The following PKNOX2 variants were observed in gnomAD, a reference collection of about 807,000 sequenced individuals.
PKNOX2 encodes the protein PBX/knotted 1 homeobox 2, also known as homeobox protein PKNOX2.
In PKNOX2, 14 loss-of-function variants were observed where a neutral mutation model predicts 53.1. The observed-to-expected ratio is 0.26, with a 90% CI of 0.17 to 0.41. The LOEUF (loss-of-function observed/expected upper bound fraction) is 0.41, where lower values mean the gene tolerates loss of function less well. Ranked by LOEUF, PKNOX2 falls within the 10% of genes least tolerant of loss-of-function variation. The probability of loss-of-function intolerance (pLI) is 1.00; values close to 1 mark genes in which losing one functional copy is unlikely to be tolerated. For missense variants in PKNOX2, 496 were observed against 602.8 expected (o/e 0.82, Z 1.85); for synonymous variants, 257 against 242.8 (o/e 1.06, Z -0.54).
intron 1 of PKNOX2, among the ~76,000 whole-genome samples, chr11:125,184,036 T>C (rs761255034): frequency 5.3e-5 from 8 of 152,204 alleles, no homozygotes; most frequent in Non-Finnish European, 8.8e-5. Context: ...AGATAAAAGA[T>C]GACAAGATTT....
At chr11:125,233,309 G>T (rs1273768003) in intron 1 of PKNOX2, among the ~76,000 whole-genome samples, 2 of 152,220 alleles carry the variant, frequency 1.3e-5, no homozygotes, top group South Asian at 4.1e-4. Flanking sequence ...CAGGGATAGA[G>T]CATACAGCTC....
At chr11:125,172,071 C>G (rs1443684266) in intron 1 of PKNOX2, among the ~76,000 whole-genome samples, 1 of 152,140 alleles carries the variant, frequency 6.6e-6, no homozygotes, top group Non-Finnish European at 1.5e-5. Flanking sequence ...ACTGGCTGAG[C>G]GGCTGGCCAG....
intron 3 of PKNOX2, among the ~76,000 whole-genome samples, chr11:125,344,625 A>T (rs1950878376): frequency 1.3e-5 from 2 of 152,152 alleles, no homozygotes; most frequent in African/African-American, 4.8e-5. Context: ...CCACCTCCCA[A>T]GTTGGCTTCC....
chr11:125,410,013 T>G lies in PKNOX2; in HGVS notation c.589-183T>G, dbSNP rs918782510. The stretch of plus-strand genomic sequence containing the variant: ...TCTTTTTGTTTTTGTTTTTTTTAAT[T>G]GAGCCTTCTTATTCACCCTTTCTAG... On this transcript the variant is annotated intron_variant, in intron 7 of 12. Coordinates refer to ENST00000298282, the MANE Select transcript of PKNOX2 (RefSeq NM_001382323.2). The G allele has an allele frequency of 5.2e-6, 4 of 763,480 alleles. No homozygotes were observed. The African/African-American group carries it at 7.0e-5, about 13-fold the overall frequency. The allele number at this position is 763,480 out of a possible 1,614,324, so 47.3% of individuals were successfully genotyped here. A position where few individuals can be genotyped will look rare whatever the true frequency, so the allele number is the denominator to read the frequency against.
chr11:125,226,304 T>C (rs1248488687), intron 1 of PKNOX2, among the ~76,000 whole-genome samples: 1 of 152,146 alleles, frequency 6.6e-6, no homozygotes, highest in East Asian at 1.9e-4. Context: ...ATTTTTAACC[T>C]CTCAGGGGAT....
rs1044314 is a variant in PKNOX2, at chr11:125,431,909, G to T, written c.*517G>T. 52,900 of 158,768 alleles carry T rather than the reference G, an allele frequency of 0.33. 9,453 individuals are homozygous for T. The highest frequency in any genetic ancestry group is 0.48 in the South Asian group (2,556 of 5,328). The allele number at this position is 158,768 out of a possible 1,614,324, so 9.8% of individuals were successfully genotyped here. A position where few individuals can be genotyped will look rare whatever the true frequency, so the allele number is the denominator to read the frequency against. On this transcript the variant is annotated 3_prime_UTR_variant, in exon 13 of 13. Coordinates refer to ENST00000298282, the MANE Select transcript of PKNOX2 (RefSeq NM_001382323.2). ...AGGGAGCCCCAAAGCATAACCAGTG[G>T]CCAGAGGAGTGGGAGGGCCTGAGGC... is the stretch of plus-strand genomic sequence containing the variant.
At chr11:125,187,737 T>C (rs1331250622) in intron 1 of PKNOX2, among the ~76,000 whole-genome samples, 1 of 152,178 alleles carries the variant, frequency 6.6e-6, no homozygotes, top group Non-Finnish European at 1.5e-5. Flanking sequence ...AGGCATCCTG[T>C]CTTATTCCTG....
chr11:125,285,269 T>C (rs1946825465), intron 2 of PKNOX2, among the ~76,000 whole-genome samples: 1 of 152,158 alleles, frequency 6.6e-6, no homozygotes, highest in African/African-American at 2.4e-5. Flanking sequence ...AAAAGGGCTC[T>C]GGTGCTAAAC....
chr11:125,216,672 C>G (rs903063263), intron 1 of PKNOX2, among the ~76,000 whole-genome samples: 3 of 152,194 alleles, frequency 2.0e-5, no homozygotes, highest in African/African-American at 7.2e-5. Flanking sequence ...TCTGCCCCAG[C>G]GCTCTGGATT....
intron 5 of PKNOX2, among the ~76,000 whole-genome samples, chr11:125,381,186 C>G (rs1355213481): frequency 6.6e-6 from 1 of 152,102 alleles, no homozygotes; most frequent in African/African-American, 2.4e-5. Flanking sequence ...CTGACCATGA[C>G]CATGGATCAC....
At chr11:125,219,891 T>TGGGGG (rs772133092) in intron 1 of PKNOX2, among the ~76,000 whole-genome samples, 1 of 152,228 alleles carries the variant, frequency 6.6e-6, no homozygotes, top group African/African-American at 2.4e-5. Context: ...AATTTCATGT[T>TGGGGG]GGGGAAATGA....
Position 125,431,393 on chromosome 11 carries a change from T to A in PKNOX2, c.*1T>A. ...GGAACACAGTGACTCCCTGGAGTAGTCGGGCAGCCCAGATGGCACTGATCA... is the reference window on the plus strand; with the variant it reads ...GGAACACAGTGACTCCCTGGAGTAGACGGGCAGCCCAGATGGCACTGATCA... On this transcript the variant is annotated 3_prime_UTR_variant, in exon 13 of 13. Transcript: ENST00000298282. 6.8e-7 allele frequency: 1 copy of A among 1,460,394 alleles called. No individual in the cohort carries two copies. Among genetic ancestry groups the A allele is most frequent in the Non-Finnish European group, 9.2e-7 (1 of 1,090,802 alleles). 90.5% of individuals were successfully genotyped at this position (1,460,394 alleles called of 1,614,324 possible).
chr11:125,429,683 C>A (rs1160761722), intron 11 of PKNOX2, among the ~76,000 whole-genome samples: 1 of 152,164 alleles, frequency 6.6e-6, no homozygotes, highest in Non-Finnish European at 1.5e-5. Context: ...GTGCCTATGA[C>A]TACCATGCTC....
At chr11:125,189,963 G>C (rs547807846) in intron 1 of PKNOX2, 1 of 150,496 alleles carries the variant, frequency 6.6e-6, no homozygotes. Flanking sequence ...GTCTTGCTCC[G>C]TCGCCAGGCT....
chr11:125,333,036 C>A (rs118034196), intron 3 of PKNOX2, among the ~76,000 whole-genome samples: 1,869 of 152,298 alleles, frequency 0.012, 16 homozygotes, highest in Non-Finnish European at 0.019. Flanking sequence ...CAAGTCTTCG[C>A]TGAGTGTGGG....
intron 1 of PKNOX2, among the ~76,000 whole-genome samples, chr11:125,233,997 C>T (rs1471844994): frequency 6.6e-6 from 1 of 152,206 alleles, no homozygotes; most frequent in East Asian, 1.9e-4. Flanking sequence ...TAGTGTCTGT[C>T]AGGCAGACCA....
At chr11:125,332,140 T>A (rs530214992) in intron 3 of PKNOX2, among the ~76,000 whole-genome samples, 1 of 152,202 alleles carries the variant, frequency 6.6e-6, no homozygotes, top group African/African-American at 2.4e-5. Flanking sequence ...TCTCTTTTCA[T>A]CTATTCTGTG....
At chr11:125,208,459 A>T (rs538165672) in intron 1 of PKNOX2, among the ~76,000 whole-genome samples, 27 of 152,246 alleles carry the variant, frequency 1.8e-4, no homozygotes, top group African/African-American at 6.0e-4. Context: ...GCACTAGAAA[A>T]AATCTTGCAG....
chr11:125,274,629 C>G (rs1189890496), intron 2 of PKNOX2, among the ~76,000 whole-genome samples: 3 of 152,252 alleles, frequency 2.0e-5, no homozygotes, highest in South Asian at 4.1e-4. Flanking sequence ...TCGGCTGCAG[C>G]TAGGAGGACT....
Sources: allele counts gnomAD v4.1 joint callset (sites outside exome capture counted in the v4.1 genomes callset), GRCh38; gene constraint gnomAD v4.1.1; transcripts MANE v1.5; gene names NCBI Gene and HGNC (gene_info 2026-07-23, HGNC 2026-07-21).